TENM2: variants seen among roughly 807,000 people sequenced by gnomAD.
The protein encoded by TENM2 is teneurin-2.
A neutral mutation model predicts 245.2 loss-of-function variants in TENM2; 52 were observed. The observed-to-expected ratio is 0.21, with a 90% CI of 0.17 to 0.27. The LOEUF is 0.27. TENM2 is among the 10% of genes least tolerant of loss of function. TENM2 has a pLI of 1.00. For missense variants in TENM2, 3,046 were observed against 3,666.8 expected (o/e 0.83, Z 4.37); for synonymous variants, 1,363 against 1,438.9 (o/e 0.95, Z 1.19).
intron 2 of TENM2, among the ~76,000 whole-genome samples, chr5:167,432,165 A>G (rs1174390159): frequency 6.6e-5 from 10 of 151,466 alleles, no homozygotes; most frequent in Non-Finnish European, 1.5e-4. Flanking sequence ...AGAGATTCGC[A>G]ATATGGGAAA....
At chr5:168,225,796 G>A (rs1162123196) in intron 23 of TENM2, among the ~76,000 whole-genome samples, 1 of 150,840 alleles carries the variant, frequency 6.6e-6, no homozygotes, top group Non-Finnish European at 1.5e-5. Context: ...AAACAGAAAA[G>A]TAAGAGAAGC....
intron 9 of TENM2, among the ~76,000 whole-genome samples, chr5:168,101,027 C>G (rs1292254915): frequency 6.6e-6 from 1 of 151,994 alleles, no homozygotes; most frequent in Non-Finnish European, 1.5e-5. Flanking sequence ...AGGCTTAGTG[C>G]ACTCTGTCAA....
At chr5:167,310,560 T>C (rs770042181) in intron 1 of TENM2, among the ~76,000 whole-genome samples, 4 of 152,260 alleles carry the variant, frequency 2.6e-5, no homozygotes, top group South Asian at 2.1e-4. Context: ...TGCCTTTCAT[T>C]TGATGCAGTT....
exon 12 of TENM2, chr5:168,126,954 G>C: frequency 6.2e-7 from 1 of 1,605,546 alleles, no homozygotes. Context: ...GCAAACGGCA[G>C]GCACCGAAAC....
chr5:167,331,552 C>T (rs879673183), intron 1 of TENM2, among the ~76,000 whole-genome samples: 1 of 152,180 alleles, frequency 6.6e-6, no homozygotes, highest in Non-Finnish European at 1.5e-5. Flanking sequence ...GTAGGATATT[C>T]TGTCATCTTA....
At chr5:168,220,331 C>A (rs1179141626) in intron 23 of TENM2, among the ~76,000 whole-genome samples, 1 of 152,178 alleles carries the variant, frequency 6.6e-6, no homozygotes, top group East Asian at 1.9e-4. Flanking sequence ...GGAGGCCAGC[C>A]TGAACTGGGC....
intron 2 of TENM2, among the ~76,000 whole-genome samples, chr5:167,601,104 T>C (rs1198469149): frequency 6.6e-6 from 1 of 152,214 alleles, no homozygotes; most frequent in Non-Finnish European, 1.5e-5. Flanking sequence ...TGGGCAGTAA[T>C]TGCACCAATA....
At chr5:168,119,789 C>A (rs769345203) in intron 10 of TENM2, among the ~76,000 whole-genome samples, 1 of 152,180 alleles carries the variant, frequency 6.6e-6, no homozygotes. Context: ...ACTTGCCCAA[C>A]AAACTAAGGG....
chr5:167,275,712 A>G, the TENM2 span, among the ~76,000 whole-genome samples: 2 of 152,026 alleles, frequency 1.3e-5, no homozygotes, highest in Non-Finnish European at 2.9e-5. Flanking sequence ...CTTATATCCT[A>G]TGACTTCGAG....
At chr5:168,054,923 G>A (rs1181878607) in intron 6 of TENM2, among the ~76,000 whole-genome samples, 1 of 152,082 alleles carries the variant, frequency 6.6e-6, no homozygotes, top group African/African-American at 2.4e-5. Flanking sequence ...TCTTAAGCAC[G>A]TGCTTCTTAG....
chr5:167,324,027 C>T (rs1036399510), intron 1 of TENM2, among the ~76,000 whole-genome samples: 2 of 152,198 alleles, frequency 1.3e-5, no homozygotes, highest in Non-Finnish European at 2.9e-5. Context: ...TTGAATTCGT[C>T]TTAGCCGTGA....
At chr5:167,318,525 C>T (rs1437757578) in intron 1 of TENM2, among the ~76,000 whole-genome samples, 1 of 151,684 alleles carries the variant, frequency 6.6e-6, no homozygotes, top group East Asian at 1.9e-4. Context: ...AAAGCATCTT[C>T]TTTTCATCTA....
chr5:167,314,149 A>G (rs1756210122), intron 1 of TENM2, among the ~76,000 whole-genome samples: 2 of 152,146 alleles, frequency 1.3e-5, no homozygotes, highest in South Asian at 2.1e-4. Context: ...TATTAATTAT[A>G]CAAGTGTGGG....
At chr5:167,258,237 A>ATG in the TENM2 span, among the ~76,000 whole-genome samples, 1 of 147,962 alleles carries the variant, frequency 6.8e-6, no homozygotes, top group African/African-American at 2.5e-5. Flanking sequence ...GTGTATATAT[A>ATG]TATATGTATA....
intron 2 of TENM2, among the ~76,000 whole-genome samples, chr5:167,530,273 A>G (rs896907257): frequency 3.3e-5 from 5 of 152,216 alleles, no homozygotes; most frequent in Middle Eastern, 3.2e-3. Flanking sequence ...AGACTGTTCT[A>G]GAAGGAATAC....
intron 6 of TENM2, among the ~76,000 whole-genome samples, chr5:168,057,329 A>ACT (rs1554187402): frequency 1.3e-5 from 2 of 151,474 alleles, no homozygotes; most frequent in Non-Finnish European, 2.9e-5. Context: ...ACACACACAC[A>ACT]CACTCACTCA....
intron 4 of TENM2, among the ~76,000 whole-genome samples, chr5:167,974,585 T>C (rs1051845523): frequency 6.6e-6 from 1 of 152,238 alleles, no homozygotes; most frequent in Non-Finnish European, 1.5e-5. Context: ...AGGTGTGTGC[T>C]GAGCCACTCA....
At chr5:168,187,984 A>G (rs1760624844) in intron 13 of TENM2, among the ~76,000 whole-genome samples, 1 of 152,194 alleles carries the variant, frequency 6.6e-6, no homozygotes, top group Non-Finnish European at 1.5e-5. Context: ...TAAATGTGTT[A>G]CGAGGCACAT....
chr5:167,983,944 T>A (rs1249300321), intron 4 of TENM2, among the ~76,000 whole-genome samples: 1 of 152,204 alleles, frequency 6.6e-6, no homozygotes, highest in Non-Finnish European at 1.5e-5. Flanking sequence ...GGCTAAAATA[T>A]ACTATACACG....
Sources: allele counts gnomAD v4.1 joint callset (sites outside exome capture counted in the v4.1 genomes callset), GRCh38; gene constraint gnomAD v4.1.1; transcripts MANE v1.5; gene names NCBI Gene and HGNC (gene_info 2026-07-23, HGNC 2026-07-21).